ZFHX3: variants seen among roughly 807,000 people sequenced by gnomAD.
The protein encoded by ZFHX3 is zinc finger homeobox 3.
ZFHX3 carries 42 observed loss-of-function variants against 279.1 expected under a neutral mutation model. That is an observed-to-expected ratio of 0.15 (90% CI 0.12 to 0.19). ZFHX3 has a LOEUF of 0.19. ZFHX3 is among the 10% of genes least tolerant of loss of function. ZFHX3 has a pLI of 1.00. For synonymous variants in ZFHX3, 2,293 were observed against 1,957.8 expected (o/e 1.17, Z -4.52); for missense variants, 4,981 against 4,754.0 (o/e 1.05, Z -1.40).
intron 1 of ZFHX3, among the ~76,000 whole-genome samples, chr16:73,033,142 C>T (rs1024837671): frequency 3.3e-5 from 5 of 152,162 alleles, no homozygotes; most frequent in Admixed American, 1.3e-4. Context: ...CCTCCATGGA[C>T]AGGTGACCTC....
chr16:72,966,200 T>C (rs1597029399), intron 1 of ZFHX3, among the ~76,000 whole-genome samples: 1 of 152,282 alleles, frequency 6.6e-6, no homozygotes, highest in East Asian at 1.9e-4. Context: ...CATGTCCACT[T>C]GCAGAGCACA....
rs2144439121 is a variant in ZFHX3 at position 72,958,111 on chromosome 16, G to A, written c.2035C>T (p.His679Tyr). 6.2e-7 allele frequency: 1 copy of A among 1,614,190 alleles called. No individual in the cohort carries two copies. Among genetic ancestry groups the A allele is most frequent in the Non-Finnish European group, 8.5e-7 (1 of 1,180,042 alleles). ...TCCAGGGTCTGCTGGTACTTATAGT[G>A]CCAGTTGCACTTGGGGCACTTGAGT... ...KTLKCPKCNW[H>Y]YKYQQTLEAH... Residue 679 changes from histidine to tyrosine, a missense_variant, in exon 2 of 10, where the codon CAC becomes TAC. By Grantham distance (83) the His-to-Tyr change is moderately conservative. Transcript: ENST00000268489.
At chr16:73,560,102 G>A (rs777367376) in intron 2 of ZFHX3, among the ~76,000 whole-genome samples, 31 of 152,210 alleles carry the variant, frequency 2.0e-4, no homozygotes, top group Non-Finnish European at 3.7e-4. Context: ...TGTCTGTCAA[G>A]TTCCTTCTCT....
At chr16:73,252,455 A>G (rs1303601434) in intron 5 of ZFHX3, among the ~76,000 whole-genome samples, 1 of 152,182 alleles carries the variant, frequency 6.6e-6, no homozygotes, top group Non-Finnish European at 1.5e-5. Flanking sequence ...CTGAATGGCT[A>G]ACAGGCCGTG....
chr16:73,740,430 A>C (rs1383357830), intron 1 of ZFHX3, among the ~76,000 whole-genome samples: 4 of 152,112 alleles, frequency 2.6e-5, no homozygotes, highest in African/African-American at 9.7e-5. Flanking sequence ...ACCGTTGGTC[A>C]GGGCTATATA....
rs1320785342 is a variant in ZFHX3 at position 73,599,882 on chromosome 16, A to G, written c.-1547+80298T>C. Among the ~76,000 whole-genome samples the G allele has an allele frequency of 2.0e-5, 3 of 152,250 alleles. No homozygotes were observed. The East Asian group carries it at 5.8e-4, about 29-fold the overall frequency. On this transcript the variant is annotated intron_variant, in intron 2 of 17. Transcript: ENST00000641206. ...TACTCTGTGGATTCTTAGGCCAGTT[A>G]CTGTTGATTAGATAGATGGTTTACT...
intron 5 of ZFHX3, among the ~76,000 whole-genome samples, chr16:73,238,022 C>T (rs1436359591): frequency 6.6e-6 from 1 of 152,164 alleles, no homozygotes; most frequent in Non-Finnish European, 1.5e-5. Context: ...CAACCAATTC[C>T]ACTGTGCCTT....
intron 1 of ZFHX3, among the ~76,000 whole-genome samples, chr16:73,682,924 GAGAAAGAAAGAAAGAAAGAA>G (rs764517017): frequency 1.4e-4 from 6 of 43,474 alleles, no homozygotes; most frequent in Non-Finnish European, 2.9e-4. Context: ...AAGAGAGAAA[GAGAAAGAAAGAAAGAAAGAA>G]AGAAAGAAAG....
At chr16:73,737,560 A>G (rs1037271148) in intron 1 of ZFHX3, among the ~76,000 whole-genome samples, 1 of 152,160 alleles carries the variant, frequency 6.6e-6, no homozygotes, top group Non-Finnish European at 1.5e-5. Flanking sequence ...ACAATTAAAA[A>G]TCTTTCCCTA....
intron 1 of ZFHX3, among the ~76,000 whole-genome samples, chr16:73,874,982 C>T (rs1328874146): frequency 6.6e-6 from 1 of 152,168 alleles, no homozygotes; most frequent in Non-Finnish European, 1.5e-5. Context: ...ATATTCACTA[C>T]ATTGAAGAAC....
intron 1 of ZFHX3, among the ~76,000 whole-genome samples, chr16:72,988,984 T>C (rs1962959976): frequency 6.6e-6 from 1 of 151,562 alleles, no homozygotes; most frequent in South Asian, 2.1e-4. Flanking sequence ...GAGACCAGCC[T>C]GGACAACATA....
At chr16:73,003,814 G>T (rs901839556) in intron 1 of ZFHX3, among the ~76,000 whole-genome samples, 18 of 151,794 alleles carry the variant, frequency 1.2e-4, no homozygotes, top group Admixed American at 8.5e-4. Context: ...AGAGTGAGGG[G>T]GTCAGGAATT....
intron 1 of ZFHX3, among the ~76,000 whole-genome samples, chr16:73,838,573 A>G (rs1021455726): frequency 2.0e-5 from 3 of 152,188 alleles, no homozygotes; most frequent in African/African-American, 7.2e-5. Flanking sequence ...TGCAAACAGT[A>G]AAGTGTTATT....
chr16:72,974,568 AACACACACACACACACACACACAC>A (rs59350988), intron 1 of ZFHX3, among the ~76,000 whole-genome samples: 1 of 148,258 alleles, frequency 6.7e-6, no homozygotes, highest in Non-Finnish European at 1.5e-5. Flanking sequence ...CTGATAGGGC[AACACACACACACACACACACACAC>A]ACACACACAC....
At chr16:73,272,202 A>C (rs1198087519) in intron 4 of ZFHX3, among the ~76,000 whole-genome samples, 1 of 152,218 alleles carries the variant, frequency 6.6e-6, no homozygotes, top group East Asian at 1.9e-4. Context: ...AAAAATTTTA[A>C]GTGCTCTTTC....
intron 1 of ZFHX3, among the ~76,000 whole-genome samples, chr16:73,818,292 A>G (rs977089572): frequency 6.6e-6 from 1 of 152,080 alleles, no homozygotes; most frequent in Non-Finnish European, 1.5e-5. Context: ...GTAAGGGGGG[A>G]AAAAGGGAAA....
intron 3 of ZFHX3, among the ~76,000 whole-genome samples, chr16:73,441,621 C>G (rs1159347665): frequency 1.3e-5 from 2 of 152,150 alleles, no homozygotes; most frequent in African/African-American, 4.8e-5. Context: ...GAAGTTCACG[C>G]AAGTCCAGCT....
intron 5 of ZFHX3, among the ~76,000 whole-genome samples, chr16:73,204,141 TG>T (rs2144902567): frequency 6.6e-6 from 1 of 152,110 alleles, no homozygotes; most frequent in Non-Finnish European, 1.5e-5. Flanking sequence ...CCAACTTTTT[TG>T]GCATCAGGGA....
At chr16:72,849,789 G>A (rs998522399) in intron 4 of ZFHX3, among the ~76,000 whole-genome samples, 1 of 137,950 alleles carries the variant, frequency 7.2e-6, no homozygotes, top group Non-Finnish European at 1.5e-5. Flanking sequence ...CCTGTCAAGA[G>A]TGCCTTTACT....
Sources: gnomAD v4.1 joint callset for allele counts (sites outside exome capture counted in the v4.1 genomes callset) on GRCh38, gnomAD v4.1.1 for gene constraint, MANE v1.5 for transcripts, NCBI Gene and HGNC (gene_info 2026-07-23, HGNC 2026-07-21) for gene names.